The following ZDHHC11 variants were observed in gnomAD, a reference collection of about 807,000 sequenced individuals.
The protein encoded by ZDHHC11 is palmitoyltransferase ZDHHC11.
A neutral mutation model predicts 51.3 loss-of-function variants in ZDHHC11; 44 were observed. The ratio of observed to expected loss-of-function variants is 0.86; its 90% confidence interval spans 0.67 to 1.10. ZDHHC11 has a LOEUF of 1.10. Among genes scored for constraint, ZDHHC11 ranks in the 50% least tolerant of loss-of-function variants. The pLI, the probability that ZDHHC11 is intolerant of heterozygous loss-of-function variation, is 0.00. For missense variants in ZDHHC11, 400 were observed against 537.7 expected, an observed-to-expected ratio of 0.74 and a Z score of 2.53; for synonymous variants, 163 against 222.0, an observed-to-expected ratio of 0.73 and a Z score of 2.36.
In ZDHHC11 at chr5:814,108, A is replaced by C. The variant is rs866938231; in HGVS notation, c.1181+653T>G. On this transcript the variant is annotated intron_variant, in intron 11 of 12. Coordinates refer to ENST00000283441, the MANE Select transcript of ZDHHC11 (RefSeq NM_024786.3). ...CATTTTATGGAAAGAAAAATGAAAC[A>C]GCAAACAAGGAGTAAATAATTTACT... Among the ~76,000 whole-genome samples the C allele has an allele frequency of 2.8e-5, 4 of 142,322 alleles. 1 individual carries two copies. Among genetic ancestry groups the C allele is most frequent in the African/African-American group, 5.6e-5 (2 of 35,574 alleles). 93.4% of individuals were successfully genotyped at this position (142,322 alleles called of 152,430 possible). A position where few individuals can be genotyped will look rare whatever the true frequency, so the allele number is the denominator to read the frequency against.
chr5:831,012 AT>A (rs1361107513), intron 7 of ZDHHC11, among the ~76,000 whole-genome samples: 1 of 149,634 alleles, frequency 6.7e-6, no homozygotes, highest in Non-Finnish European at 1.5e-5. Flanking sequence ...TGAAAGCAAA[AT>A]CTACAAGATA....
Position 806,120 on chromosome 5 carries a change from T to G in ZDHHC11, c.1182-4956A>C, listed in dbSNP as rs755183563. ...AATACTGAATAACTACAGCCTTTCG[T>G]GGGAGAGAGGGAGTACTTACTTCTC... On this transcript the variant is annotated intron_variant, in intron 11 of 12. Transcript: ENST00000283441. Among the ~76,000 whole-genome samples, 103 of 150,874 alleles carry G rather than the reference T, an allele frequency of 6.8e-4. 2 individuals carry two copies. Among genetic ancestry groups the G allele is most frequent in the Non-Finnish European group, 1.3e-3 (85 of 67,528 alleles).
chr5:804,106 TTG>T (rs1394537190), intron 11 of ZDHHC11, among the ~76,000 whole-genome samples: 1 of 151,256 alleles, frequency 6.6e-6, no homozygotes, highest in Non-Finnish European at 1.5e-5. Flanking sequence ...TTATCAGCAG[TTG>T]TGTTTTCTGC....
At chr5:813,687 G>A (rs1051747046) in intron 11 of ZDHHC11, among the ~76,000 whole-genome samples, 2 of 150,288 alleles carry the variant, frequency 1.3e-5, no homozygotes, top group East Asian at 1.9e-4. Context: ...GGGCCAGGAC[G>A]GCTGCAGCTG....
upstream of ZDHHC11, among the ~76,000 whole-genome samples, chr5:852,737 A>G (rs1413811650): frequency 7.4e-5 from 9 of 122,190 alleles, no homozygotes; most frequent in Admixed American, 1.6e-4. Flanking sequence ...AGAGGACAGC[A>G]AACCGGGGGA....
chr5:851,599 G>A (rs948856452), upstream of ZDHHC11, among the ~76,000 whole-genome samples: 2 of 152,238 alleles, frequency 1.3e-5, no homozygotes, highest in Non-Finnish European at 2.9e-5. Context: ...CGTTCTTGCA[G>A]TCGTGAACGT....
At chr5:809,655 G>GC (rs1396786604) in intron 11 of ZDHHC11, among the ~76,000 whole-genome samples, 1 of 130,014 alleles carries the variant, frequency 7.7e-6, no homozygotes, top group East Asian at 2.3e-4. Flanking sequence ...CACCGGATCT[G>GC]CCAGTGCCTT....
chr5:821,454 G>A lies in ZDHHC11; in HGVS notation c.1058+407C>T, dbSNP rs1012945954. On this transcript the variant is annotated intron_variant, in intron 9 of 12. Transcript: ENST00000283441. ...ACTGCTTCTTTGCTGCTGAAGGGGT[G>A]TGAACTACCCTTCTCTTCTCCACTA... 15 of 167,920 alleles carry A rather than the reference G, an allele frequency of 8.9e-5. 1 individual carries two copies. The highest frequency in any genetic ancestry group is 1.7e-4 in the Non-Finnish European group (13 of 75,626). 10.4% of individuals were successfully genotyped at this position (167,920 alleles called of 1,614,324 possible).
At chr5:852,778 AAG>A (rs1561312749), upstream of ZDHHC11, among the ~76,000 whole-genome samples, 1 of 59,208 alleles carries the variant, frequency 1.7e-5, no homozygotes, top group East Asian at 5.4e-4. Context: ...GAGCCGGGGG[AAG>A]AGACCCCACG....
chr5:834,952 A>C (rs1455737901), intron 6 of ZDHHC11, among the ~76,000 whole-genome samples: 1 of 151,452 alleles, frequency 6.6e-6, no homozygotes, highest in Admixed American at 6.6e-5. Context: ...AACCTGCAGT[A>C]TCTCTCATGT....
rs1342933447 is a variant in ZDHHC11 at position 798,413 on chromosome 5, G to A, written c.*8-1833C>T. Reference sequence around the variant, plus strand: ...CTCACATGGACACGGACACGCGCACGCGTGCACACACACACCCTTAACTTG... The same window carrying A: ...CTCACATGGACACGGACACGCGCACACGTGCACACACACACCCTTAACTTG... On this transcript the variant is annotated intron_variant, in intron 12 of 12. Coordinates refer to ENST00000283441, the MANE Select transcript of ZDHHC11 (RefSeq NM_024786.3). Among the ~76,000 whole-genome samples, 125 of 151,440 alleles carry A rather than the reference G, an allele frequency of 8.3e-4. 1 individual carries two copies. Among genetic ancestry groups the A allele is most frequent in the East Asian group, 4.5e-3 (23 of 5,072 alleles).
At chr5:835,215 T>A (rs1743660897) in intron 6 of ZDHHC11, among the ~76,000 whole-genome samples, 2 of 150,968 alleles carry the variant, frequency 1.3e-5, no homozygotes, top group Admixed American at 1.3e-4. Flanking sequence ...GAAGTGATCC[T>A]GGGTAATCTT....
chr5:816,273 A>T lies in ZDHHC11; in HGVS notation c.1147-1478T>A, dbSNP rs1436376406. On this transcript the variant is annotated intron_variant, in intron 10 of 12. Coordinates refer to ENST00000283441, the MANE Select transcript of ZDHHC11 (RefSeq NM_024786.3). ...TTTTTTCGGAAATAATGTTTTTGGG[A>T]TCTATCAAAGAAGACATTGCTTAAC... The T allele has an allele frequency of 2.0e-5, 5 of 248,476 alleles. 1 individual carries two copies. Among genetic ancestry groups the T allele is most frequent in the African/African-American group, 9.1e-5 (4 of 44,160 alleles). The allele number at this position is 248,476 out of a possible 1,614,324, so 15.4% of individuals were successfully genotyped here.
At chr5:828,597 G>A (rs1490762177) in intron 7 of ZDHHC11, among the ~76,000 whole-genome samples, 2 of 151,380 alleles carry the variant, frequency 1.3e-5, no homozygotes, top group African/African-American at 4.9e-5. Flanking sequence ...AGGTCATCAA[G>A]ACAGAAAGGC....
rs200890647 is a variant in ZDHHC11, at chr5:821,818, G to C, written c.1058+43C>G. Reference sequence around the variant, plus strand: ...CGAGATGAGACGAGTGTATAACTATGTTACTAATAGATAAAATAATCCCAT... The same window carrying C: ...CGAGATGAGACGAGTGTATAACTATCTTACTAATAGATAAAATAATCCCAT... On this transcript the variant is annotated intron_variant, in intron 9 of 12. Transcript: ENST00000283441. 2,884 of 1,542,760 alleles carry C rather than the reference G, an allele frequency of 1.9e-3. 116 individuals are homozygous for C. The highest frequency in any genetic ancestry group is 2.4e-3 in the Non-Finnish European group (2,668 of 1,121,818).
intron 1 of ZDHHC11, among the ~76,000 whole-genome samples, chr5:849,986 C>T (rs571766721): frequency 1.4e-3 from 215 of 152,350 alleles, no homozygotes; most frequent in African/African-American, 4.8e-3. Flanking sequence ...GGCATGGAAA[C>T]GCAGGCTGCC....
intron 3 of ZDHHC11, among the ~76,000 whole-genome samples, chr5:847,279 G>A (rs1043680224): frequency 2.0e-5 from 3 of 151,716 alleles, no homozygotes; most frequent in East Asian, 3.8e-4. Flanking sequence ...CCCCCGGGGG[G>A]CCTCCAGGGA....
intron 2 of ZDHHC11, among the ~76,000 whole-genome samples, chr5:847,966 G>A (rs1288464737): frequency 6.6e-6 from 1 of 151,844 alleles, no homozygotes; most frequent in African/African-American, 2.4e-5. Flanking sequence ...CCGGGGGCTT[G>A]GATCCCACCT....
At chr5:849,586 C>A (rs1026942536) in intron 1 of ZDHHC11, 2 of 152,294 alleles carry the variant, frequency 1.3e-5, no homozygotes, top group African/African-American at 4.8e-5. Flanking sequence ...CCCCCTCAGA[C>A]TCCCTCAGGG....
Sources: allele counts gnomAD v4.1 joint callset (sites outside exome capture counted in the v4.1 genomes callset), GRCh38; gene constraint gnomAD v4.1.1; transcripts MANE v1.5; gene names NCBI Gene and HGNC (gene_info 2026-07-23, HGNC 2026-07-21).